Variants in NKAIN2 observed in about 807,000 individuals in gnomAD.
The protein encoded by NKAIN2 is sodium/potassium transporting ATPase interacting 2.
Under a neutral mutation model 32.6 loss-of-function variants are expected in NKAIN2, and 14 were observed. The ratio of observed to expected loss-of-function variants is 0.43; its 90% CI spans 0.28 to 0.67. The LOEUF (loss-of-function observed/expected upper bound fraction) is 0.67. Among genes scored for constraint, NKAIN2 ranks in the 30% least tolerant of loss-of-function variants. NKAIN2 has a pLI of 0.17. For synonymous variants in NKAIN2, 80 were observed against 87.2 expected (o/e 0.92, Z 0.46); for missense variants, 198 against 258.3 (o/e 0.77, Z 1.60).
intron 2 of NKAIN2, 79 bp downstream of exon 2, chr6:124,283,221 T>C (rs554811230): frequency 5.2e-6 from 5 of 958,198 alleles, no homozygotes; most frequent in African/African-American, 1.6e-5. Context: ...TGAAAACTTA[T>C]GTGTATAATC....
intron 2 of NKAIN2, among the ~76,000 whole-genome samples, chr6:124,298,758 ACC>A (rs10612772): frequency 0.14 from 20,594 of 151,894 alleles, 1,577 homozygotes; most frequent in East Asian, 0.24. Flanking sequence ...AGGAGAGAAG[ACC>A]CCCCGTGTCT....
intron 1 of NKAIN2, among the ~76,000 whole-genome samples, chr6:123,923,598 ATACTATGCAG>A: frequency 6.6e-6 from 1 of 151,862 alleles, no homozygotes; most frequent in East Asian, 1.9e-4. Flanking sequence ...ACACCATGGA[ATACTATGCAG>A]CCATAAAAAA....
intron 4 of NKAIN2, among the ~76,000 whole-genome samples, chr6:124,731,698 T>C (rs1443594547): frequency 1.3e-5 from 2 of 151,684 alleles, no homozygotes; most frequent in Non-Finnish European, 1.5e-5. Flanking sequence ...ACCCTAAAAC[T>C]TAAGGTATAA....
At chr6:124,499,839 GA>G (rs1165093173) in intron 3 of NKAIN2, among the ~76,000 whole-genome samples, 1 of 152,192 alleles carries the variant, frequency 6.6e-6, no homozygotes, top group Non-Finnish European at 1.5e-5. Flanking sequence ...GGGCATTAAT[GA>G]TACTTCATAT....
intron 3 of NKAIN2, among the ~76,000 whole-genome samples, chr6:124,613,684 C>T (rs1419362841): frequency 2.6e-5 from 4 of 152,138 alleles, no homozygotes; most frequent in Non-Finnish European, 4.4e-5. Context: ...TTAATAAAAG[C>T]GCTACCTAGT....
rs567679734 is a variant in NKAIN2 at position 124,419,462 on chromosome 6, G to T, written c.273+64115G>T. On this transcript the variant is annotated intron_variant, in intron 3 of 6. Coordinates refer to ENST00000368417, the MANE Select transcript of NKAIN2 (RefSeq NM_001040214.3). ...TAGTTTGGTGGGATTCATAACCAAG[G>T]TGCTCTGCTGCTAGGGAATAGGAAC... Among the ~76,000 whole-genome samples the T allele has an allele frequency of 3.9e-5, 6 of 152,212 alleles. No individual in the cohort carries two copies. The East Asian group carries it at 5.8e-4, about 15-fold the overall frequency.
At chr6:124,344,050 G>C (rs1402412692) in intron 2 of NKAIN2, among the ~76,000 whole-genome samples, 1 of 152,008 alleles carries the variant, frequency 6.6e-6, no homozygotes, top group Non-Finnish European at 1.5e-5. Context: ...TTCTCCATAT[G>C]GCTAGCCAGT....
intron 4 of NKAIN2, among the ~76,000 whole-genome samples, chr6:124,758,275 G>C (rs751734652): frequency 8.6e-5 from 13 of 151,974 alleles, no homozygotes; most frequent in Non-Finnish European, 1.8e-4. Context: ...AAACTCATAT[G>C]TTAAAATCCT....
intron 3 of NKAIN2, among the ~76,000 whole-genome samples, chr6:124,577,352 C>T (rs1221700743): frequency 2.0e-5 from 3 of 151,634 alleles, no homozygotes; most frequent in Non-Finnish European, 4.4e-5. Flanking sequence ...TCCTGCACCC[C>T]CCAGCAGCAG....
chr6:124,420,028 G>GA (rs1252202611), intron 3 of NKAIN2, among the ~76,000 whole-genome samples: 11 of 151,916 alleles, frequency 7.2e-5, no homozygotes, highest in Non-Finnish European at 1.2e-4. Flanking sequence ...AGAAGAATTA[G>GA]AAAAAATATA....
chr6:124,309,039 A>G lies in NKAIN2; in HGVS notation c.192+25897A>G, dbSNP rs544207271. Reference sequence around the variant, plus strand: ...CAAACCGAGAACAGGCATCCATTCTATTTTACCTTTGAAATTTGACTCTTT... The same window carrying G: ...CAAACCGAGAACAGGCATCCATTCTGTTTTACCTTTGAAATTTGACTCTTT... On this transcript the variant is annotated intron_variant, in intron 2 of 6. Coordinates refer to ENST00000368417, the MANE Select transcript of NKAIN2 (RefSeq NM_001040214.3). 3.0e-4 allele frequency among the ~76,000 whole-genome samples: 45 copies of G among 152,218 alleles called. 1 individual carries two copies. The South Asian group carries it at 9.3e-3, about 32-fold the overall frequency.
chr6:124,414,688 G>T (rs1030747978), intron 3 of NKAIN2, among the ~76,000 whole-genome samples: 8 of 151,974 alleles, frequency 5.3e-5, no homozygotes, highest in African/African-American at 1.7e-4. Context: ...ATAGATATAG[G>T]TTTATTTGGT....
At chr6:124,243,895 C>A (rs1403455639) in intron 1 of NKAIN2, among the ~76,000 whole-genome samples, 2 of 152,060 alleles carry the variant, frequency 1.3e-5, no homozygotes, top group African/African-American at 4.8e-5. Context: ...ATTAATTTCC[C>A]AAAATATTAT....
intron 3 of NKAIN2, among the ~76,000 whole-genome samples, chr6:124,416,189 AG>A (rs1554203890): frequency 6.6e-6 from 1 of 152,206 alleles, no homozygotes; most frequent in South Asian, 2.1e-4. Context: ...TTGCATGGCC[AG>A]CATGGCATTG....
At chr6:124,206,347 A>G (rs1790883788) in intron 1 of NKAIN2, among the ~76,000 whole-genome samples, 1 of 151,926 alleles carries the variant, frequency 6.6e-6, no homozygotes, top group Non-Finnish European at 1.5e-5. Context: ...AGCGCATAAA[A>G]CAAGCCTGAG....
chr6:124,298,470 CAT>C (rs1230434909), intron 2 of NKAIN2, among the ~76,000 whole-genome samples: 5 of 152,016 alleles, frequency 3.3e-5, no homozygotes, highest in Non-Finnish European at 5.9e-5. Context: ...AGATAAATAT[CAT>C]GTGTGGTGAG....
At chr6:124,640,998 A>G (rs926782617) in intron 3 of NKAIN2, among the ~76,000 whole-genome samples, 5 of 152,160 alleles carry the variant, frequency 3.3e-5, no homozygotes, top group African/African-American at 9.7e-5. Flanking sequence ...TCTGCAGTTG[A>G]GAGTTGATAT....
chr6:124,692,237 TA>T (rs2114541270), intron 4 of NKAIN2, among the ~76,000 whole-genome samples: 1 of 152,284 alleles, frequency 6.6e-6, no homozygotes, highest in African/African-American at 2.4e-5. Context: ...TCATAACGGC[TA>T]AAAGTAGGAT....
intron 1 of NKAIN2, among the ~76,000 whole-genome samples, chr6:124,262,741 A>G (rs1401286957): frequency 6.6e-6 from 1 of 152,170 alleles, no homozygotes; most frequent in African/African-American, 2.4e-5. Flanking sequence ...TTGGTGACAT[A>G]TGGAGGGTAG....
Sources: allele counts gnomAD v4.1 joint callset (sites outside exome capture counted in the v4.1 genomes callset), GRCh38; gene constraint gnomAD v4.1.1; transcripts MANE v1.5; gene names NCBI Gene and HGNC (gene_info 2026-07-23, HGNC 2026-07-21).